RAB18: variants seen among roughly 807,000 people sequenced by gnomAD.
RAB18 encodes ras-related protein Rab-18.
Under a neutral mutation model 28.5 loss-of-function variants are expected in RAB18, and 10 were observed. That is an observed-to-expected ratio of 0.35 (90% CI 0.22 to 0.60). RAB18 has a LOEUF of 0.60. Among genes scored for constraint, RAB18 ranks in the 20% least tolerant of loss-of-function variants. The pLI, the probability that RAB18 is intolerant of heterozygous loss-of-function variation, is 0.78. For missense variants in RAB18, 188 were observed against 244.2 expected (o/e 0.77, Z 1.53); for synonymous variants, 93 against 86.9 (o/e 1.07, Z -0.39).
intron 2 of RAB18, chr10:27,510,563 C>T (rs184977385): frequency 1.3e-5 from 2 of 154,102 alleles, no homozygotes; most frequent in East Asian, 1.9e-4. Flanking sequence ...CTGCAGACAA[C>T]GTAAAGGGAT....
intron 2 of RAB18, among the ~76,000 whole-genome samples, chr10:27,525,972 C>G (rs1338093544): frequency 6.6e-6 from 1 of 152,110 alleles, no homozygotes; most frequent in Non-Finnish European, 1.5e-5. Flanking sequence ...TAATGTTTTC[C>G]CTCTGGCCAG....
chr10:27,513,708 C>T (rs1382496134), intron 2 of RAB18, among the ~76,000 whole-genome samples: 2 of 152,114 alleles, frequency 1.3e-5, no homozygotes, highest in Non-Finnish European at 1.5e-5. Flanking sequence ...AGGCTGGCTG[C>T]ATGTGGGAAG....
rs1181246250 is a variant in RAB18, at chr10:27,507,285, A to G, written c.69-2590A>G. 2.6e-5 allele frequency among the ~76,000 whole-genome samples: 4 copies of G among 152,170 alleles called. No individual in the cohort carries two copies. In the East Asian group the frequency reaches 7.7e-4, roughly 29 times the overall value. ...TTCATAGTGTTAGAGTCTAAAGGGTATGTGATAGTAGTCAGGAGATCAGGA... is the reference window on the plus strand; with the variant it reads ...TTCATAGTGTTAGAGTCTAAAGGGTGTGTGATAGTAGTCAGGAGATCAGGA... On this transcript the variant is annotated intron_variant, in intron 1 of 6. Transcript: ENST00000356940.
At chr10:27,508,386 T>C (rs1837904362) in intron 1 of RAB18, among the ~76,000 whole-genome samples, 1 of 152,140 alleles carries the variant, frequency 6.6e-6, no homozygotes, top group Non-Finnish European at 1.5e-5. Flanking sequence ...ATACCCAATA[T>C]CATCATTATT....
intron 1 of RAB18, among the ~76,000 whole-genome samples, chr10:27,506,880 G>T (rs951979656): frequency 6.6e-6 from 1 of 151,728 alleles, no homozygotes; most frequent in East Asian, 2.1e-4. Flanking sequence ...TCCTCAATAC[G>T]TAGCAATGGA....
At chr10:27,528,379 T>G (rs1834722296) in intron 3 of RAB18, 4 of 464,112 alleles carry the variant, frequency 8.6e-6, no homozygotes, top group Non-Finnish European at 1.7e-5. Flanking sequence ...ATTGAGACAA[T>G]AAGAAGAGCA....
At chr10:27,515,179 C>T (rs1406162730) in intron 2 of RAB18, among the ~76,000 whole-genome samples, 1 of 151,924 alleles carries the variant, frequency 6.6e-6, no homozygotes, top group Non-Finnish European at 1.5e-5. Context: ...ACATGGTGGT[C>T]CTTAGGTACT....
In RAB18 at chr10:27,539,146, A is replaced by T. The variant is rs1054107607; in HGVS notation, c.*1095A>T. The T allele has an allele frequency of 8.3e-6, 3 of 361,406 alleles. No individual in the cohort carries two copies. The highest frequency in any genetic ancestry group is 4.3e-5 in the African/African-American group (2 of 46,782). 22.4% of individuals were successfully genotyped at this position (361,406 alleles called of 1,614,324 possible). A position where few individuals can be genotyped will look rare whatever the true frequency, so the allele number is the denominator to read the frequency against. ...CAAAACCAACTTGTACAGACTAATAAATCTTTTTCACAGTATTCAGTTTTC... is the reference window on the plus strand; with the variant it reads ...CAAAACCAACTTGTACAGACTAATATATCTTTTTCACAGTATTCAGTTTTC... On this transcript the variant is annotated 3_prime_UTR_variant, in exon 7 of 7. Coordinates refer to ENST00000356940, the MANE Select transcript of RAB18 (RefSeq NM_021252.5).
chr10:27,538,744 A>G lies in RAB18; in HGVS notation c.*693A>G. The G allele has an allele frequency of 2.2e-6, 1 of 454,074 alleles. No individual in the cohort carries two copies. The highest frequency in any genetic ancestry group is 4.4e-6 in the Non-Finnish European group (1 of 226,756). 28.1% of individuals were successfully genotyped at this position (454,074 alleles called of 1,614,324 possible). Reference sequence around the variant, plus strand: ...TACATTGGATTCATGACTGTGCAGCATTTTTAGTTATGTGGTGTTTGGCAG... The same window carrying G: ...TACATTGGATTCATGACTGTGCAGCGTTTTTAGTTATGTGGTGTTTGGCAG... On this transcript the variant is annotated 3_prime_UTR_variant, in exon 7 of 7. Coordinates refer to ENST00000356940, the MANE Select transcript of RAB18 (RefSeq NM_021252.5).
rs994965256 is a variant in RAB18, at chr10:27,517,165, A to G, written c.124+7235A>G. ...ATCACCTGATTTCAGGAGTTCAAGA[A>G]CAGCCTGTCCAACATGGTGAAACCC... is the stretch of plus-strand genomic sequence containing the variant. On this transcript the variant is annotated intron_variant, in intron 2 of 6. Transcript: ENST00000356940. Among the ~76,000 whole-genome samples the G allele has an allele frequency of 1.1e-4, 16 of 152,134 alleles. No individual in the cohort carries two copies. The East Asian group carries it at 3.1e-3, about 30-fold the overall frequency.
chr10:27,535,969 G>T (rs1309386696), intron 6 of RAB18, among the ~76,000 whole-genome samples: 3 of 152,104 alleles, frequency 2.0e-5, no homozygotes, highest in Non-Finnish European at 4.4e-5. Context: ...TGTAGTCCCA[G>T]CTACTTGGGA....
chr10:27,524,662 T>G (rs2132394792), intron 2 of RAB18, among the ~76,000 whole-genome samples: 1 of 152,362 alleles, frequency 6.6e-6, no homozygotes, highest in South Asian at 2.1e-4. Context: ...AGCTCCATGT[T>G]ATCCACATGA....
At position 27,541,858 on chromosome 10, in the gene RAB18, T is replaced by G. The variant is rs1346752694; in HGVS notation, c.*3807T>G. 1 of 443,502 alleles carries G rather than the reference T, an allele frequency of 2.3e-6. No individual in the cohort carries two copies. 27.5% of individuals were successfully genotyped at this position (443,502 alleles called of 1,614,324 possible). ...CCCCCACCCCTGCAAACAATTGGCA[T>G]GTGGTTTGGGTGGCATTGTCACACC... On this transcript the variant is annotated 3_prime_UTR_variant, in exon 7 of 7. Coordinates refer to ENST00000356940, the MANE Select transcript of RAB18 (RefSeq NM_021252.5).
At chr10:27,509,784 C>A (rs1834288806) in intron 1 of RAB18, 91 bp from the exon 2 acceptor site, 1 of 1,051,570 alleles carries the variant, frequency 9.5e-7, no homozygotes, top group African/African-American at 1.6e-5. Context: ...TTATCTGCAT[C>A]TAATAATTTG....
intron 1 of RAB18, among the ~76,000 whole-genome samples, chr10:27,506,625 C>T (rs866414422): frequency 2.6e-5 from 4 of 152,060 alleles, no homozygotes; most frequent in Non-Finnish European, 5.9e-5. Context: ...ACCGGCCCTA[C>T]TTCTAAAATT....
chr10:27,509,572 T>C (rs192042742), intron 1 of RAB18, among the ~76,000 whole-genome samples: 25 of 152,284 alleles, frequency 1.6e-4, no homozygotes, highest in African/African-American at 4.6e-4. Context: ...CAGAAGGACA[T>C]ACCAGAACAG....
At chr10:27,525,641 A>G (rs561326207) in intron 2 of RAB18, among the ~76,000 whole-genome samples, 36 of 152,238 alleles carry the variant, frequency 2.4e-4, no homozygotes, top group African/African-American at 8.4e-4. Context: ...CCTTTTACTA[A>G]TGGTTGCCCA....
chr10:27,523,389 CTCTT>C (rs1308941633), intron 2 of RAB18, among the ~76,000 whole-genome samples: 1 of 147,950 alleles, frequency 6.8e-6, no homozygotes, highest in Non-Finnish European at 1.5e-5. Context: ...CCCCCCTTCT[CTCTT>C]CTTTTTCCTC....
intron 2 of RAB18, among the ~76,000 whole-genome samples, chr10:27,512,297 T>C (rs960076927): frequency 6.6e-6 from 1 of 151,614 alleles, no homozygotes; most frequent in African/African-American, 2.4e-5. Flanking sequence ...ATAATAATTA[T>C]TATTATTTAA....
Sources: allele counts gnomAD v4.1 joint callset (sites outside exome capture counted in the v4.1 genomes callset), GRCh38; gene constraint gnomAD v4.1.1; transcripts MANE v1.5; gene names NCBI Gene and HGNC (gene_info 2026-07-23, HGNC 2026-07-21).